The following FKBP5 variants were observed in gnomAD, a reference collection of about 807,000 sequenced individuals.
FKBP5 encodes FKBP prolyl isomerase 5.
Under a neutral mutation model 50.5 loss-of-function variants are expected in FKBP5, and 23 were observed. That is an observed-to-expected ratio of 0.46 (90% CI 0.33 to 0.65). The LOEUF (loss-of-function observed/expected upper bound fraction) is 0.65. Ranked by LOEUF, FKBP5 falls within the 30% of genes least tolerant of loss-of-function variation. The pLI, the probability that FKBP5 is intolerant of heterozygous loss-of-function variation, is 0.02. For synonymous variants in FKBP5, 176 were observed against 190.6 expected, an observed-to-expected ratio of 0.92 and a Z score of 0.63; for missense variants, 411 against 553.1, an observed-to-expected ratio of 0.74 and a Z score of 2.58.
chr6:35,702,054 G>A (rs1370630702), intron 2 of FKBP5, among the ~76,000 whole-genome samples: 3 of 151,666 alleles, frequency 2.0e-5, no homozygotes, highest in African/African-American at 7.3e-5. Context: ...CACCTTGTTG[G>A]CCTGGCTGGT....
At chr6:35,645,023 A>G (rs1475242436) in intron 1 of FKBP5, among the ~76,000 whole-genome samples, 1 of 152,242 alleles carries the variant, frequency 6.6e-6, no homozygotes, top group Non-Finnish European at 1.5e-5. Flanking sequence ...CCTTTCAAGT[A>G]AAACAATCTG....
chr6:35,717,952 C>T (rs755273373), intron 2 of FKBP5, among the ~76,000 whole-genome samples: 5 of 152,050 alleles, frequency 3.3e-5, no homozygotes, highest in African/African-American at 7.2e-5. Flanking sequence ...AAGTGTAGGG[C>T]GGGAGGAATA....
intron 3 of FKBP5, among the ~76,000 whole-genome samples, chr6:35,622,877 T>C (rs1241375731): frequency 6.6e-6 from 1 of 152,254 alleles, no homozygotes; most frequent in Non-Finnish European, 1.5e-5. Context: ...ATTTAATCTC[T>C]GTGCTTAGTC....
At chr6:35,685,076 A>G (rs1765785387) in intron 1 of FKBP5, among the ~76,000 whole-genome samples, 1 of 152,120 alleles carries the variant, frequency 6.6e-6, no homozygotes, top group Non-Finnish European at 1.5e-5. Flanking sequence ...AAAAAAGACT[A>G]GAAGTAAATA....
At chr6:35,715,698 T>C (rs541956757) in intron 2 of FKBP5, among the ~76,000 whole-genome samples, 3 of 152,374 alleles carry the variant, frequency 2.0e-5, no homozygotes, top group African/African-American at 4.8e-5. Flanking sequence ...GCGAGTTGCA[T>C]GCTGTGCATG....
At chr6:35,597,066 C>T (rs1323947026) in intron 6 of FKBP5, among the ~76,000 whole-genome samples, 182 bp downstream of exon 6, 2 of 152,182 alleles carry the variant, frequency 1.3e-5, no homozygotes, top group Non-Finnish European at 2.9e-5. Flanking sequence ...AGTAAACATG[C>T]TCACAAACCT....
At chr6:35,578,008 C>T (rs1483606517) in intron 9 of FKBP5, among the ~76,000 whole-genome samples, 8 of 142,300 alleles carry the variant, frequency 5.6e-5, no homozygotes, top group Admixed American at 2.2e-4. Context: ...GGGCTGAGAT[C>T]GTGCCACTGC....
intron 3 of FKBP5, among the ~76,000 whole-genome samples, chr6:35,622,667 T>G (rs926711807): frequency 6.6e-6 from 1 of 152,188 alleles, no homozygotes; most frequent in African/African-American, 2.4e-5. Context: ...TTAAAAAAAT[T>G]TAAAATACAA....
At chr6:35,608,082 T>A (rs1336794054) in intron 5 of FKBP5, 1 of 151,416 alleles carries the variant, frequency 6.6e-6, no homozygotes, top group African/African-American at 2.4e-5. Flanking sequence ...GCAACACAGA[T>A]GCAGCTGGAG....
intron 2 of FKBP5, among the ~76,000 whole-genome samples, chr6:35,712,090 G>C (rs1046240210): frequency 6.7e-6 from 1 of 149,980 alleles, no homozygotes; most frequent in African/African-American, 2.5e-5. Context: ...ATGTCGCCCA[G>C]GCTGGCCTCA....
At chr6:35,700,745 G>A (rs1489739153) in intron 2 of FKBP5, among the ~76,000 whole-genome samples, 1 of 152,146 alleles carries the variant, frequency 6.6e-6, no homozygotes, top group East Asian at 1.9e-4. Flanking sequence ...ATCACCTGAG[G>A]TCAGGAGTTC....
At chr6:35,589,122 ATATATATTTT>A (rs1561846565) in intron 7 of FKBP5, among the ~76,000 whole-genome samples, 21 of 126,620 alleles carry the variant, frequency 1.7e-4, no homozygotes, top group African/African-American at 6.0e-4. Flanking sequence ...ATATATATAT[ATATATATTTT>A]TTTTTTTTTC....
intron 2 of FKBP5, among the ~76,000 whole-genome samples, chr6:35,718,923 T>C (rs561014813): frequency 4.6e-5 from 7 of 152,298 alleles, no homozygotes; most frequent in African/African-American, 1.7e-4. Context: ...TGAGAGAACC[T>C]TTCCTTGCAG....
rs538886834 is a variant in FKBP5, at chr6:35,611,239, C to A, written c.508+7857G>T. On this transcript the variant is annotated intron_variant, in intron 5 of 10. Coordinates refer to ENST00000357266, the MANE Select transcript of FKBP5 (RefSeq NM_004117.4). Reference sequence around the variant, plus strand: ...TCCTTTCCAGCACTATTATTGATCTCTTCTTCTTCTTTTGAAAATCTTTGT... The same window carrying A: ...TCCTTTCCAGCACTATTATTGATCTATTCTTCTTCTTTTGAAAATCTTTGT... Among the ~76,000 whole-genome samples the A allele has an allele frequency of 1.3e-5, 2 of 152,134 alleles. 1 individual carries two copies. The highest frequency in any genetic ancestry group is 4.1e-4 in the South Asian group (2 of 4,832).
At chr6:35,681,833 T>C (rs1426543809) in intron 1 of FKBP5, among the ~76,000 whole-genome samples, 1 of 152,176 alleles carries the variant, frequency 6.6e-6, no homozygotes, top group Non-Finnish European at 1.5e-5. Flanking sequence ...TTTATACATA[T>C]GTGTAATATA....
intron 1 of FKBP5, among the ~76,000 whole-genome samples, chr6:35,650,460 T>C (rs778142547): frequency 1.3e-4 from 19 of 151,310 alleles, no homozygotes; most frequent in Non-Finnish European, 2.2e-4. Context: ...ACACAAACAG[T>C]GTAATTTATT....
chr6:35,723,429 T>C (rs892178389), intron 1 of FKBP5, among the ~76,000 whole-genome samples: 26 of 151,754 alleles, frequency 1.7e-4, no homozygotes, highest in African/African-American at 5.8e-4. Context: ...AGGTGAGGCA[T>C]AGGGCGTGGA....
intron 6 of FKBP5, among the ~76,000 whole-genome samples, chr6:35,595,173 G>A (rs954010306): frequency 1.3e-5 from 2 of 152,174 alleles, no homozygotes; most frequent in Non-Finnish European, 2.9e-5. Flanking sequence ...AACCACTAAT[G>A]ATACAACAAA....
chr6:35,721,784 A>T (rs1581906886), intron 1 of FKBP5, among the ~76,000 whole-genome samples: 1 of 152,144 alleles, frequency 6.6e-6, no homozygotes, highest in African/African-American at 2.4e-5. Flanking sequence ...CAAAATGCGT[A>T]CTCCCAGTTG....
Sources: gnomAD v4.1 joint callset for allele counts (sites outside exome capture counted in the v4.1 genomes callset) on GRCh38, gnomAD v4.1.1 for gene constraint, MANE v1.5 for transcripts, NCBI Gene and HGNC (gene_info 2026-07-23, HGNC 2026-07-21) for gene names.